The following SULF1 variants were observed in gnomAD, a reference collection of about 807,000 sequenced individuals.
The protein encoded by SULF1 is sulfatase 1.
Under a neutral mutation model 110.5 loss-of-function variants are expected in SULF1, and 46 were observed. The ratio of observed to expected loss-of-function variants is 0.42; its 90% CI spans 0.33 to 0.53. The LOEUF (loss-of-function observed/expected upper bound fraction) is 0.53, where lower values mean the gene tolerates loss of function less well. Ranked by LOEUF, SULF1 falls within the 20% of genes least tolerant of loss-of-function variation. SULF1 has a pLI of 0.12. For synonymous variants in SULF1, 371 were observed against 387.1 expected (o/e 0.96, Z 0.49); for missense variants, 941 against 1,094.2 (o/e 0.86, Z 1.98).
At position 69,638,864 on chromosome 8, in the gene SULF1, GA is replaced by G. The variant is rs1178464346; in HGVS notation, c.2551+13del. ...ACCTAAGAATCTTGATGTTGGTAAGGAAAAAAATACTATTTTTTCTATTTTA... is the reference window on the plus strand; with the variant it reads ...ACCTAAGAATCTTGATGTTGGTAAGGAAAAAATACTATTTTTTCTATTTTA... On this transcript the variant is annotated splice_region_variant and intron_variant, in intron 21 of 22. Transcript: ENST00000402687. The G allele has an allele frequency of 3.1e-6, 5 of 1,595,780 alleles. No homozygotes were observed. Among genetic ancestry groups the G allele is most frequent in the Admixed American group, 3.7e-5 (2 of 54,322 alleles).
At chr8:69,474,606 C>T (rs993204603) in intron 1 of SULF1, among the ~76,000 whole-genome samples, 5 of 151,960 alleles carry the variant, frequency 3.3e-5, no homozygotes, top group East Asian at 1.9e-4. Flanking sequence ...GAAAGTTTTC[C>T]GAATATAACA....
chr8:69,584,467 G>A (rs1806303023), intron 6 of SULF1: 1 of 152,248 alleles, frequency 6.6e-6, no homozygotes. Flanking sequence ...ATGGCATTAG[G>A]AAGCAAGTAA....
At chr8:69,501,275 T>C (rs1434354343) in intron 2 of SULF1, among the ~76,000 whole-genome samples, 2 of 152,244 alleles carry the variant, frequency 1.3e-5, no homozygotes, top group Non-Finnish European at 2.9e-5. Flanking sequence ...ATATGTCAGA[T>C]GTTCATGGCA....
intron 22 of SULF1, chr8:69,642,155 A>G: frequency 1.2e-6 from 1 of 820,854 alleles, no homozygotes; most frequent in Non-Finnish European, 1.5e-6. Context: ...TATCTATATT[A>G]ATATCTTCTT....
At chr8:69,585,144 G>C (rs1586473693) in intron 6 of SULF1, among the ~76,000 whole-genome samples, 2 of 151,608 alleles carry the variant, frequency 1.3e-5, no homozygotes, top group Admixed American at 6.6e-5. Context: ...TGCATGCATA[G>C]GGGTGTGTGT....
At chr8:69,588,574 C>T (rs1806636581) in intron 7 of SULF1, among the ~76,000 whole-genome samples, 1 of 152,046 alleles carries the variant, frequency 6.6e-6, no homozygotes, top group African/African-American at 2.4e-5. Context: ...GTTTCCTGCC[C>T]TTAAAGTAAT....
At chr8:69,539,274 CT>C (rs973036141) in intron 3 of SULF1, among the ~76,000 whole-genome samples, 1 of 151,980 alleles carries the variant, frequency 6.6e-6, no homozygotes, top group Non-Finnish European at 1.5e-5. Context: ...CAACTTTTTA[CT>C]TTTTTTTAGT....
chr8:69,551,333 ACATATG>A (rs1814690569), intron 3 of SULF1, among the ~76,000 whole-genome samples: 1 of 152,226 alleles, frequency 6.6e-6, no homozygotes, highest in Admixed American at 6.5e-5. Flanking sequence ...CCGTTACTTC[ACATATG>A]TCAAGAATTT....
chr8:69,610,630 A>C (rs960926493), intron 13 of SULF1, among the ~76,000 whole-genome samples: 3 of 152,224 alleles, frequency 2.0e-5, no homozygotes, highest in Non-Finnish European at 2.9e-5. Flanking sequence ...GCTGAAGCTC[A>C]TGTATGAACA....
intron 3 of SULF1, among the ~76,000 whole-genome samples, chr8:69,526,351 T>A (rs1378177600): frequency 1.3e-5 from 2 of 152,100 alleles, no homozygotes; most frequent in African/African-American, 4.8e-5. Context: ...TAAATAAAGA[T>A]CATTCTATTC....
Position 69,660,019 on chromosome 8 carries a change from A to C in SULF1, c.*1484A>C, listed in dbSNP as rs760902272. 1 of 152,654 alleles carries C rather than the reference A, an allele frequency of 6.6e-6. No individual in the cohort carries two copies. Among genetic ancestry groups the C allele is most frequent in the Non-Finnish European group, 1.5e-5 (1 of 68,040 alleles). The allele number at this position is 152,654 out of a possible 1,614,324, so 9.5% of individuals were successfully genotyped here. A position where few individuals can be genotyped will look rare whatever the true frequency, so the allele number is the denominator to read the frequency against. On this transcript the variant is annotated 3_prime_UTR_variant, in exon 23 of 23. Transcript: ENST00000402687. ...GATTAGCAGAAAGGCATGGCTAATAATGTTGGTGGTGAAAATAAATAAATA... is the reference window on the plus strand; with the variant it reads ...GATTAGCAGAAAGGCATGGCTAATACTGTTGGTGGTGAAAATAAATAAATA...
intron 1 of SULF1, among the ~76,000 whole-genome samples, chr8:69,481,242 G>A (rs1809510362): frequency 6.6e-6 from 1 of 151,936 alleles, no homozygotes; most frequent in Non-Finnish European, 1.5e-5. Context: ...TGCAAATCTG[G>A]TTAGATTTAT....
chr8:69,598,612 G>A (rs1055574227), intron 8 of SULF1, among the ~76,000 whole-genome samples: 1 of 152,094 alleles, frequency 6.6e-6, no homozygotes, highest in Non-Finnish European at 1.5e-5. Context: ...GGCTGGTCTC[G>A]AACTCCTGAC....
At chr8:69,625,650 G>T in intron 15 of SULF1, among the ~76,000 whole-genome samples, 1 of 152,300 alleles carries the variant, frequency 6.6e-6, no homozygotes, top group African/African-American at 2.4e-5. Context: ...TCGTGGTCTC[G>T]CTGGGCTCAG....
At chr8:69,655,697 C>CA (rs1445050454) in intron 22 of SULF1, among the ~76,000 whole-genome samples, 4 of 152,162 alleles carry the variant, frequency 2.6e-5, no homozygotes, top group Non-Finnish European at 4.4e-5. Context: ...CATGAGGCAC[C>CA]ATGCCCGGTC....
chr8:69,486,662 GT>G (rs1254374383), intron 1 of SULF1, among the ~76,000 whole-genome samples: 1 of 152,134 alleles, frequency 6.6e-6, no homozygotes, highest in Non-Finnish European at 1.5e-5. Flanking sequence ...CCTATTAAGA[GT>G]AGAACAACTC....
At position 69,624,004 on chromosome 8, in the gene SULF1, G is replaced by C. The variant is rs1809807898; in HGVS notation, c.1657G>C (p.Glu553Gln). 1 of 1,614,180 alleles carries C rather than the reference G, an allele frequency of 6.2e-7. No individual in the cohort carries two copies. The highest frequency in any genetic ancestry group is 1.1e-5 in the South Asian group (1 of 91,070). ...TRSLSVEFEGEIYDINLEEEE... is the reference protein window; with the variant it reads ...TRSLSVEFEGQIYDINLEEEE... ...TTCCTTGTCCGTCGAATTTGAAGGT[G>C]AAATATATGACATAAATCTGGAAGA... Residue 553 changes from glutamate (E) to glutamine (Q), a missense_variant, in exon 15 of 23, where the codon GAA becomes CAA. Around this residue, in one of 3 missense-constraint regions of SULF1, gnomAD observed 822 missense variants for 934.3 expected, o/e 0.88. Transcript: ENST00000402687.
At chr8:69,568,881 C>T (rs1201643021) in intron 5 of SULF1, among the ~76,000 whole-genome samples, 1 of 152,102 alleles carries the variant, frequency 6.6e-6, no homozygotes, top group Non-Finnish European at 1.5e-5. Context: ...AAATATATAT[C>T]TGAAAGAATA....
chr8:69,656,109 T>G (rs116280617), intron 22 of SULF1, among the ~76,000 whole-genome samples: 19,758 of 152,148 alleles, frequency 0.13, 1,303 homozygotes, highest in Non-Finnish European at 0.16. Context: ...AGATCTGGAC[T>G]GGATATGAGA....
Sources: gnomAD v4.1 joint callset for allele counts (sites outside exome capture counted in the v4.1 genomes callset) on GRCh38, gnomAD v4.1.1 for gene constraint, gnomAD v4.1.1 regional missense constraint, MANE v1.5 for transcripts, NCBI Gene and HGNC (gene_info 2026-07-23, HGNC 2026-07-21) for gene names.